Variants in DENND2A observed in about 807,000 individuals in gnomAD.
The protein encoded by DENND2A is DENN domain containing 2A, also known as DENN domain-containing protein 2A.
A neutral mutation model predicts 105.3 loss-of-function variants in DENND2A; 53 were observed. The ratio of observed to expected loss-of-function variants is 0.50; its 90% confidence interval spans 0.40 to 0.63. The LOEUF is 0.63. Among genes scored for constraint, DENND2A ranks in the 30% least tolerant of loss-of-function variants. The probability of loss-of-function intolerance (pLI) is 0.00; values close to 1 mark genes in which losing one functional copy is unlikely to be tolerated. For missense variants in DENND2A, 1,138 were observed against 1,279.6 expected (o/e 0.89, Z 1.69); for synonymous variants, 522 against 508.4 (o/e 1.03, Z -0.36).
At chr7:140,535,318 GT>G (rs1224690490) in intron 14 of DENND2A, among the ~76,000 whole-genome samples, 1 of 152,144 alleles carries the variant, frequency 6.6e-6, no homozygotes, top group Non-Finnish European at 1.5e-5. Flanking sequence ...CTGGTGCCTG[GT>G]GAAACCTACT....
intron 1 of DENND2A, among the ~76,000 whole-genome samples, 154 bp from the exon 2 acceptor site, chr7:140,605,960 C>A (rs1417698625): frequency 6.6e-6 from 1 of 152,140 alleles, no homozygotes; most frequent in Non-Finnish European, 1.5e-5. Flanking sequence ...GAATCCCAGG[C>A]CTAGCAAGTA....
chr7:140,594,621 G>A (rs562676200), intron 3 of DENND2A, among the ~76,000 whole-genome samples: 6 of 152,282 alleles, frequency 3.9e-5, no homozygotes, highest in East Asian at 3.9e-4. Context: ...TGCAAATCCC[G>A]TGAGGACAGA....
At chr7:140,641,221 C>G (rs1432760329), upstream of DENND2A, among the ~76,000 whole-genome samples, 2 of 151,882 alleles carry the variant, frequency 1.3e-5, no homozygotes, top group African/African-American at 4.8e-5. Context: ...ACCCTTGCCC[C>G]AGGCAGCTTG....
chr7:140,603,332 G>T (rs923551588), intron 2 of DENND2A, among the ~76,000 whole-genome samples: 1 of 152,186 alleles, frequency 6.6e-6, no homozygotes, highest in Admixed American at 6.5e-5. Context: ...CGAGGTAAAA[G>T]ATTACATAGG....
intron 3 of DENND2A, among the ~76,000 whole-genome samples, chr7:140,599,852 C>A (rs912581147): frequency 6.6e-6 from 1 of 151,888 alleles, no homozygotes; most frequent in African/African-American, 2.4e-5. Context: ...ACATGACAGA[C>A]CATGCTGAGT....
intron 3 of DENND2A, among the ~76,000 whole-genome samples, chr7:140,590,677 C>A (rs894617513): frequency 2.4e-4 from 37 of 151,936 alleles, no homozygotes; most frequent in African/African-American, 8.9e-4. Flanking sequence ...CCAGCCTGGG[C>A]AACAAAGTAA....
At chr7:140,601,000 G>T (rs1799463489) in intron 3 of DENND2A, among the ~76,000 whole-genome samples, 1 of 152,174 alleles carries the variant, frequency 6.6e-6, no homozygotes, top group Non-Finnish European at 1.5e-5. Context: ...CACATAGATA[G>T]ACACTGATAG....
intron 12 of DENND2A, among the ~76,000 whole-genome samples, chr7:140,555,005 A>G (rs1050582438): frequency 1.3e-5 from 2 of 152,182 alleles, no homozygotes; most frequent in African/African-American, 4.8e-5. Context: ...ACAAAAGGCA[A>G]TTCTCAGAAG....
chr7:140,627,256 G>C (rs1403223355), intron 1 of DENND2A, among the ~76,000 whole-genome samples: 1 of 152,066 alleles, frequency 6.6e-6, no homozygotes, highest in African/African-American at 2.4e-5. Context: ...CTGTCACCCA[G>C]GTTGGAGTGC....
intron 1 of DENND2A, among the ~76,000 whole-genome samples, chr7:140,620,152 C>A (rs959024392): frequency 6.6e-6 from 1 of 151,552 alleles, no homozygotes; most frequent in Admixed American, 6.6e-5. Context: ...GCCAAGATTG[C>A]GACACTGCAC....
intron 14 of DENND2A, among the ~76,000 whole-genome samples, chr7:140,543,389 C>T (rs1379581696): frequency 6.6e-6 from 1 of 151,400 alleles, no homozygotes; most frequent in Non-Finnish European, 1.5e-5. Context: ...TCCACGTCAG[C>T]CTCCTAAAGT....
chr7:140,534,116 G>A (rs1424500894), intron 14 of DENND2A, among the ~76,000 whole-genome samples: 1 of 67,172 alleles, frequency 1.5e-5, no homozygotes, highest in South Asian at 5.1e-4. Flanking sequence ...ATGGAGTCTT[G>A]CTCTGGCACC....
At chr7:140,558,381 C>T (rs1349404576) in intron 10 of DENND2A, among the ~76,000 whole-genome samples, 169 bp from the exon 11 acceptor site, 1 of 152,198 alleles carries the variant, frequency 6.6e-6, no homozygotes, top group African/African-American at 2.4e-5. Context: ...ACACTGGTCA[C>T]CCATAGCTTC....
At chr7:140,564,176 G>A (rs774572974) in intron 9 of DENND2A, among the ~76,000 whole-genome samples, 25 of 152,044 alleles carry the variant, frequency 1.6e-4, no homozygotes, top group African/African-American at 5.5e-4. Flanking sequence ...CCAGCTACTC[G>A]GGAGGCTGAT....
intron 1 of DENND2A, among the ~76,000 whole-genome samples, chr7:140,608,694 CATTA>C (rs1046440468): frequency 6.6e-6 from 1 of 150,674 alleles, no homozygotes. Flanking sequence ...AAAAAAAAAT[CATTA>C]ATTAAGTAAC....
chr7:140,558,695 C>CA (rs1232604188), intron 10 of DENND2A, among the ~76,000 whole-genome samples: 1,923 of 50,826 alleles, frequency 0.038, 62 homozygotes, highest in African/African-American at 0.092. Flanking sequence ...GACTCTATCT[C>CA]AAAAAAAAAA....
intron 14 of DENND2A, among the ~76,000 whole-genome samples, chr7:140,530,300 T>TA (rs1470213706): frequency 2.6e-5 from 4 of 152,158 alleles, no homozygotes; most frequent in East Asian, 1.9e-4. Context: ...TAATTAAAAT[T>TA]AAAAAATATA....
chr7:140,540,811 A>G (rs750724515), intron 14 of DENND2A, among the ~76,000 whole-genome samples: 12 of 151,664 alleles, frequency 7.9e-5, no homozygotes, highest in Non-Finnish European at 1.5e-4. Flanking sequence ...TCTGCCTCCC[A>G]GGTTCAAATG....
intron 3 of DENND2A, among the ~76,000 whole-genome samples, chr7:140,596,069 AG>A (rs1799273092): frequency 6.6e-6 from 1 of 152,178 alleles, no homozygotes; most frequent in African/African-American, 2.4e-5. Context: ...GATCACTCAC[AG>A]GGTTTCTGCT....
Sources: gnomAD v4.1 joint callset for allele counts (sites outside exome capture counted in the v4.1 genomes callset) on GRCh38, gnomAD v4.1.1 for gene constraint, MANE v1.5 for transcripts, NCBI Gene and HGNC (gene_info 2026-07-23, HGNC 2026-07-21) for gene names.